SDCCAG8: variants seen among roughly 807,000 people sequenced by gnomAD.
The protein encoded by SDCCAG8 is SHH signaling and ciliogenesis regulator SDCCAG8.
A neutral mutation model predicts 101.8 loss-of-function variants in SDCCAG8; 74 were observed. The observed-to-expected ratio is 0.73, with a 90% CI of 0.60 to 0.88. The LOEUF (loss-of-function observed/expected upper bound fraction) is 0.88. SDCCAG8 is among the 40% of genes least tolerant of loss of function. SDCCAG8 has a pLI of 0.00. For synonymous variants in SDCCAG8, 281 were observed against 292.9 expected, an observed-to-expected ratio of 0.96 and a Z score of 0.41; for missense variants, 787 against 822.6, an observed-to-expected ratio of 0.96 and a Z score of 0.53.
chr1:243,367,217 T>G (rs1310330114), intron 12 of SDCCAG8, among the ~76,000 whole-genome samples: 2 of 152,126 alleles, frequency 1.3e-5, no homozygotes, highest in Admixed American at 1.3e-4. Flanking sequence ...TCTACCAGCT[T>G]TTATACTTTT....
chr1:243,433,531 C>T (rs1207771097), intron 16 of SDCCAG8, among the ~76,000 whole-genome samples: 1 of 152,136 alleles, frequency 6.6e-6, no homozygotes, highest in Non-Finnish European at 1.5e-5. Context: ...AACCCAGATG[C>T]AAGAAGAAAG....
chr1:243,452,414 C>CTCT (rs1558489319), intron 16 of SDCCAG8, among the ~76,000 whole-genome samples: 1 of 66,654 alleles, frequency 1.5e-5, no homozygotes, highest in Non-Finnish European at 3.0e-5. Context: ...GATCTCATCT[C>CTCT]TTTTTTTTTT....
chr1:243,421,335 G>C (rs1165128436), intron 15 of SDCCAG8, among the ~76,000 whole-genome samples: 1 of 152,154 alleles, frequency 6.6e-6, no homozygotes, highest in Non-Finnish European at 1.5e-5. Context: ...GCAGAATGAC[G>C]GGAAAGCTGA....
At chr1:243,494,728 A>G (rs3006928) in intron 17 of SDCCAG8, among the ~76,000 whole-genome samples, 134,785 of 152,300 alleles carry the variant, frequency 0.88, 59,888 homozygotes, top group African/African-American at 0.94. Context: ...AGATACATTC[A>G]CTCTACTTAT....
At chr1:243,318,046 C>T (rs976273843) in intron 9 of SDCCAG8, 16 of 456,524 alleles carry the variant, frequency 3.5e-5, no homozygotes, top group Non-Finnish European at 7.0e-5. Flanking sequence ...GCACCCTTCA[C>T]AATAGCAAAC....
chr1:243,388,698 C>CAAAAAAA (rs11296139), intron 13 of SDCCAG8, among the ~76,000 whole-genome samples: 1 of 134,336 alleles, frequency 7.4e-6, no homozygotes. Flanking sequence ...CCAGCTCTAC[C>CAAAAAAA]AAAAAAAAAA....
chr1:243,489,232 G>T, intron 17 of SDCCAG8, 92 bp downstream of exon 17: 1 of 1,496,132 alleles, frequency 6.7e-7, no homozygotes, highest in South Asian at 1.2e-5. Context: ...CTTTCTCACG[G>T]ATCACATCGG....
chr1:243,417,891 C>A, intron 14 of SDCCAG8, 77 bp from the exon 15 acceptor site: 1 of 1,035,416 alleles, frequency 9.7e-7, no homozygotes, highest in Non-Finnish European at 1.5e-6. Flanking sequence ...AAGCACTTTA[C>A]CACTCTATGT....
At chr1:243,317,927 A>G (rs1293611794) in intron 9 of SDCCAG8, 2 of 398,310 alleles carry the variant, frequency 5.0e-6, no homozygotes, top group Non-Finnish European at 1.0e-5. Flanking sequence ...TAAACCATAT[A>G]TGAATCTCAG....
intron 16 of SDCCAG8, among the ~76,000 whole-genome samples, chr1:243,486,917 A>C (rs1177342345): frequency 7.0e-6 from 1 of 141,856 alleles, no homozygotes. Flanking sequence ...TCGAGCAAGC[A>C]GGAAGCCACG....
chr1:243,319,384 T>C (rs545513614), intron 9 of SDCCAG8, among the ~76,000 whole-genome samples: 1 of 152,288 alleles, frequency 6.6e-6, no homozygotes, highest in African/African-American at 2.4e-5. Flanking sequence ...TTTATTATCA[T>C]TTTTTTGAGA....
chr1:243,414,289 G>A (rs968666435), intron 13 of SDCCAG8, among the ~76,000 whole-genome samples: 1 of 152,070 alleles, frequency 6.6e-6, no homozygotes, highest in African/African-American at 2.4e-5. Flanking sequence ...CCAGGAAGAG[G>A]AAGAGACATG....
intron 11 of SDCCAG8, among the ~76,000 whole-genome samples, chr1:243,343,597 A>C (rs1246188667): frequency 3.9e-5 from 6 of 152,214 alleles, no homozygotes; most frequent in African/African-American, 1.4e-4. Flanking sequence ...TCATAAGTGC[A>C]TAGTGTGCTT....
At chr1:243,484,763 T>TA in intron 16 of SDCCAG8, among the ~76,000 whole-genome samples, 2 of 152,288 alleles carry the variant, frequency 1.3e-5, no homozygotes, top group Middle Eastern at 3.4e-3. Context: ...TAAGAGGTGT[T>TA]GGCCGGGCGC....
At position 243,272,225 on chromosome 1, in the gene SDCCAG8, C is replaced by T. The variant is rs76222756; in HGVS notation, c.306+1162C>T. Among the ~76,000 whole-genome samples the T allele has an allele frequency of 9.9e-4, 151 of 152,338 alleles. No homozygotes were observed. In the East Asian group the frequency reaches 0.013, roughly 13 times the overall value. ...CATGCATAGCAGCAAGTAACCACCT[C>T]ACATTTTCAATGTGTTTTCTAGTTC... On this transcript the variant is annotated intron_variant, in intron 3 of 17. Transcript: ENST00000366541.
intron 15 of SDCCAG8, among the ~76,000 whole-genome samples, chr1:243,424,696 C>G (rs193270558): frequency 6.6e-6 from 1 of 152,046 alleles, no homozygotes; most frequent in Admixed American, 6.6e-5. Context: ...TTATGGGTTG[C>G]AAAGAAAGGT....
rs529869615 is a variant in SDCCAG8, at chr1:243,499,986, G to A, written c.*201G>A. The A allele has an allele frequency of 1.3e-5, 8 of 613,932 alleles. No individual in the cohort carries two copies. Among genetic ancestry groups the A allele is most frequent in the Admixed American group, 2.7e-5 (1 of 36,914 alleles). The allele number at this position is 613,932 out of a possible 1,614,324, so 38.0% of individuals were successfully genotyped here. ...TGGAGTCTGACTCTAGCTGAGCAGA[G>A]CTCCTGGTGTATGTTTTCAGAAATG... On this transcript the variant is annotated 3_prime_UTR_variant, in exon 18 of 18. Transcript: ENST00000366541.
chr1:243,291,536 G>T (rs113542227), intron 5 of SDCCAG8, among the ~76,000 whole-genome samples: 7 of 152,180 alleles, frequency 4.6e-5, no homozygotes, highest in Non-Finnish European at 1.0e-4. Flanking sequence ...TCCCTGGCAT[G>T]CAGGCTGCAT....
rs1251406986 is a variant in SDCCAG8 at position 243,302,832 on chromosome 1, A to T, written c.676-1881A>T. On this transcript the variant is annotated intron_variant, in intron 6 of 17. Coordinates refer to ENST00000366541, the MANE Select transcript of SDCCAG8 (RefSeq NM_006642.5). ...GGGTACTCTATGGAAAGCATTTTCA[A>T]CACAATGGAAGAGAACCCCAGTAGC... Among the ~76,000 whole-genome samples, 5 of 152,180 alleles carry T rather than the reference A, an allele frequency of 3.3e-5. No individual in the cohort carries two copies. The East Asian group carries it at 9.6e-4, about 29-fold the overall frequency.
Sources: gnomAD v4.1 joint callset for allele counts (sites outside exome capture counted in the v4.1 genomes callset) on GRCh38, gnomAD v4.1.1 for gene constraint, MANE v1.5 for transcripts, NCBI Gene and HGNC (gene_info 2026-07-23, HGNC 2026-07-21) for gene names.